The following SLC13A3 variants were observed in gnomAD, a reference collection of about 807,000 sequenced individuals.
SLC13A3 encodes Na(+)/dicarboxylate cotransporter 3.
SLC13A3 carries 40 observed loss-of-function variants against 59.0 expected under a neutral mutation model. That is an observed-to-expected ratio of 0.68 (90% CI 0.53 to 0.88). The LOEUF is 0.88. SLC13A3 is among the 40% of genes least tolerant of loss of function. SLC13A3 has a pLI of 0.00. For synonymous variants in SLC13A3, 317 were observed against 330.3 expected (o/e 0.96, Z 0.44); for missense variants, 699 against 783.2 (o/e 0.89, Z 1.28).
chr20:46,597,015 T>A lies in SLC13A3; in HGVS notation c.609-673A>T, dbSNP rs764625192. ...CTGTAGTGAACTTTGATTGCCCCAC[T>A]GCCCTCCAGCCTGGGTGACAGAGTG... On this transcript the variant is annotated intron_variant, in intron 4 of 12. Coordinates refer to ENST00000279027, the MANE Select transcript of SLC13A3 (RefSeq NM_022829.6). Among the ~76,000 whole-genome samples the A allele has an allele frequency of 7.2e-5, 11 of 152,274 alleles. No individual in the cohort carries two copies. The South Asian group carries it at 2.3e-3, about 32-fold the overall frequency.
chr20:46,662,243 C>A (rs2063034906), intron 1 of SLC13A3, among the ~76,000 whole-genome samples: 1 of 152,056 alleles, frequency 6.6e-6, no homozygotes, highest in African/African-American at 2.4e-5. Flanking sequence ...GATTTTATAG[C>A]TAATAAAGCC....
At chr20:46,657,805 ACATGTCCAGAGCAGGAGC>A in intron 1 of SLC13A3, among the ~76,000 whole-genome samples, 1 of 152,246 alleles carries the variant, frequency 6.6e-6, no homozygotes, top group South Asian at 2.1e-4. Flanking sequence ...CAGGCAGGTC[ACATGTCCAGAGCAGGAGC>A]AAGGCGCTGG....
At chr20:46,591,934 G>T (rs967689843) in intron 6 of SLC13A3, among the ~76,000 whole-genome samples, 3 of 152,044 alleles carry the variant, frequency 2.0e-5, no homozygotes, top group African/African-American at 7.2e-5. Flanking sequence ...TGGCTAGCAC[G>T]GTGGCTCACA....
At chr20:46,588,329 T>A (rs900119508) in intron 7 of SLC13A3, among the ~76,000 whole-genome samples, 166 bp from the exon 8 acceptor site, 3 of 151,052 alleles carry the variant, frequency 2.0e-5, no homozygotes, top group Non-Finnish European at 4.4e-5. Flanking sequence ...AGGGGAGGGG[T>A]GCCAATGGAC....
At chr20:46,614,356 T>C (rs989263505) in intron 1 of SLC13A3, among the ~76,000 whole-genome samples, 4 of 152,180 alleles carry the variant, frequency 2.6e-5, no homozygotes, top group Admixed American at 1.3e-4. Context: ...CTGGCCATCA[T>C]TGGTTGAGGG....
upstream of SLC13A3, among the ~76,000 whole-genome samples, chr20:46,674,889 G>C (rs896972806): frequency 6.6e-6 from 1 of 152,078 alleles, no homozygotes; most frequent in Non-Finnish European, 1.5e-5. Flanking sequence ...CAGAGGCTGT[G>C]GGGGGCCATG....
intron 1 of SLC13A3, among the ~76,000 whole-genome samples, chr20:46,623,497 C>T (rs1403490620): frequency 6.6e-6 from 1 of 152,080 alleles, no homozygotes; most frequent in Non-Finnish European, 1.5e-5. Context: ...TCCCAAGTAG[C>T]TGGGATGACA....
At position 46,600,407 on chromosome 20, in the gene SLC13A3, G is replaced by A. The variant is rs79453166; in HGVS notation, c.542-370C>T. The stretch of plus-strand genomic sequence containing the variant: ...AAGGGAGGGAAAGAAAGAAAGAAAG[G>A]AGGAAGGAAGGAAGGAAAGGAAGGA... On this transcript the variant is annotated intron_variant, in intron 3 of 12. Coordinates refer to ENST00000279027, the MANE Select transcript of SLC13A3 (RefSeq NM_022829.6). Among the ~76,000 whole-genome samples, 1,153 of 143,582 alleles carry A rather than the reference G, an allele frequency of 8.0e-3. 4 individuals carry two copies. Among genetic ancestry groups the A allele is most frequent in the South Asian group, 0.013 (61 of 4,520 alleles). The allele number at this position is 143,582 out of a possible 152,430, so 94.2% of individuals were successfully genotyped here.
At chr20:46,565,663 T>A (rs1162267851) in intron 11 of SLC13A3, among the ~76,000 whole-genome samples, 1 of 151,992 alleles carries the variant, frequency 6.6e-6, no homozygotes, top group African/African-American at 2.4e-5. Flanking sequence ...ATCAGCTGGG[T>A]AGGGGGAAGG....
At chr20:46,682,989 T>G (rs1411792786) in intron 1 of SLC13A3, among the ~76,000 whole-genome samples, 1 of 152,180 alleles carries the variant, frequency 6.6e-6, no homozygotes, top group Non-Finnish European at 1.5e-5. Flanking sequence ...TATTTCCCAC[T>G]GTGGGCCAAG....
In SLC13A3 at chr20:46,559,866, G is replaced by T; in HGVS notation, c.*156C>A. ...GAGAGAGAAAGTATCCTAGATAATG[G>T]CTCATGGACTTGAGTGGGCCACTGG... is the stretch of plus-strand genomic sequence containing the variant. On this transcript the variant is annotated 3_prime_UTR_variant, in exon 13 of 13. Coordinates refer to ENST00000279027, the MANE Select transcript of SLC13A3 (RefSeq NM_022829.6). 1.5e-6 allele frequency: 1 copy of T among 651,292 alleles called. No homozygotes were observed. Among genetic ancestry groups the T allele is most frequent in the East Asian group, 2.8e-5 (1 of 36,136 alleles). 40.3% of individuals were successfully genotyped at this position (651,292 alleles called of 1,614,324 possible).
At chr20:46,612,218 G>A (rs1195186729) in intron 2 of SLC13A3, among the ~76,000 whole-genome samples, 1 of 131,616 alleles carries the variant, frequency 7.6e-6, no homozygotes, top group Non-Finnish European at 1.5e-5. Flanking sequence ...TGCAACATCC[G>A]CCTCCTGGGT....
At chr20:46,591,350 T>C (rs1205407278) in intron 6 of SLC13A3, among the ~76,000 whole-genome samples, 2 of 152,130 alleles carry the variant, frequency 1.3e-5, no homozygotes. Flanking sequence ...AGGCCCATGG[T>C]TGGGAAGAGG....
intron 12 of SLC13A3, among the ~76,000 whole-genome samples, chr20:46,562,642 G>T (rs1318635004): frequency 6.6e-6 from 1 of 152,154 alleles, no homozygotes; most frequent in Non-Finnish European, 1.5e-5. Flanking sequence ...GAGGCGGATC[G>T]GTGTCTCTCC....
rs13043810 is a variant in SLC13A3 at position 46,569,185 on chromosome 20, T to A, written c.1333-2795A>T. Among the ~76,000 whole-genome samples the A allele has an allele frequency of 5.1e-3, 769 of 151,842 alleles. 3 individuals carry two copies. The highest frequency in any genetic ancestry group is 8.9e-3 in the Non-Finnish European group (602 of 67,932). ...AGTGTTTTTTTTTGTAGAGACAGGGTCTTACTATGTTGCCCAGGCTGGTTT... is the reference window on the plus strand; with the variant it reads ...AGTGTTTTTTTTTGTAGAGACAGGGACTTACTATGTTGCCCAGGCTGGTTT... On this transcript the variant is annotated intron_variant, in intron 10 of 12. Transcript: ENST00000279027.
At chr20:46,618,700 C>T (rs995434258) in intron 1 of SLC13A3, among the ~76,000 whole-genome samples, 1 of 152,142 alleles carries the variant, frequency 6.6e-6, no homozygotes. Flanking sequence ...CTTCACAGCC[C>T]CCAGAACTGT....
upstream of SLC13A3, among the ~76,000 whole-genome samples, chr20:46,671,253 C>T (rs1210365291): frequency 1.3e-5 from 2 of 152,192 alleles, no homozygotes; most frequent in Non-Finnish European, 2.9e-5. Flanking sequence ...AGCCTCCTCA[C>T]CCCAATTTGG....
At chr20:46,657,828 C>T (rs1014452006) in intron 1 of SLC13A3, among the ~76,000 whole-genome samples, 4 of 152,042 alleles carry the variant, frequency 2.6e-5, no homozygotes, top group African/African-American at 7.3e-5. Context: ...AGGAGCAAGG[C>T]GCTGGGGGGA....
intron 3 of SLC13A3, among the ~76,000 whole-genome samples, chr20:46,606,851 G>A (rs936073761): frequency 2.6e-5 from 4 of 152,196 alleles, no homozygotes; most frequent in South Asian, 4.1e-4. Flanking sequence ...TAATGAGAGC[G>A]TGCATGCAGG....
Sources: allele counts gnomAD v4.1 joint callset (sites outside exome capture counted in the v4.1 genomes callset), GRCh38; gene constraint gnomAD v4.1.1; transcripts MANE v1.5; gene names NCBI Gene and HGNC (gene_info 2026-07-23, HGNC 2026-07-21).